Variants in ZNF85 observed in about 807,000 individuals in gnomAD.
The protein encoded by ZNF85 is zinc finger protein 85 (HPF4, HTF1).
A neutral mutation model predicts 53.9 loss-of-function variants in ZNF85; 50 were observed. The observed-to-expected ratio is 0.93, with a 90% CI of 0.74 to 1.17. The LOEUF (loss-of-function observed/expected upper bound fraction) is 1.17. Ranked by LOEUF, ZNF85 falls within the 50% of genes most tolerant of loss-of-function variation. The probability of loss-of-function intolerance (pLI) is 0.00; values close to 1 mark genes in which losing one functional copy is unlikely to be tolerated. For synonymous variants in ZNF85, 225 were observed against 226.1 expected (o/e 1.00, Z 0.04); for missense variants, 747 against 688.5 (o/e 1.08, Z -0.95).
intron 3 of ZNF85, chr19:20,936,789 T>C (rs1254471738): frequency 6.5e-6 from 1 of 153,922 alleles, no homozygotes; most frequent in African/African-American, 2.4e-5. Context: ...ACAAAGTACA[T>C]TGATTTCTTT....
At chr19:20,938,752 A>G (rs1336190156) in intron 3 of ZNF85, among the ~76,000 whole-genome samples, 4 of 152,146 alleles carry the variant, frequency 2.6e-5, no homozygotes, top group African/African-American at 9.7e-5. Context: ...GAATTATAGG[A>G]TATTCACCCA....
intron 2 of ZNF85, among the ~76,000 whole-genome samples, chr19:20,934,637 C>T (rs1973112350): frequency 6.6e-6 from 1 of 151,708 alleles, no homozygotes; most frequent in African/African-American, 2.4e-5. Context: ...GGTGTGGTGG[C>T]AGGCACCTGT....
chr19:20,928,491 C>T (rs1432804685), intron 1 of ZNF85: 1 of 152,498 alleles, frequency 6.6e-6, no homozygotes, highest in African/African-American at 2.4e-5. Context: ...GAAAGGACCT[C>T]TGATGACAGA....
At chr19:20,946,058 A>C (rs1160118676) in intron 3 of ZNF85, among the ~76,000 whole-genome samples, 4 of 142,006 alleles carry the variant, frequency 2.8e-5, no homozygotes, top group Non-Finnish European at 6.1e-5. Flanking sequence ...TTTTTTTTTG[A>C]AGATTGTTGG....
chr19:20,940,103 GAAA>G (rs143322119), intron 3 of ZNF85, among the ~76,000 whole-genome samples: 1 of 137,144 alleles, frequency 7.3e-6, no homozygotes, highest in Admixed American at 7.3e-5. Flanking sequence ...TCCTTTATGT[GAAA>G]AAAAAAAAAA....
chr19:20,946,439 T>TTCTTG (rs1568554923), intron 3 of ZNF85: 1 of 345,106 alleles, frequency 2.9e-6, no homozygotes, highest in Non-Finnish European at 5.5e-6. Context: ...CTAATATTCT[T>TTCTTG]TTTTTTTATT....
intron 1 of ZNF85, chr19:20,926,807 C>A (rs960914530): frequency 1.1e-4 from 17 of 151,830 alleles, no homozygotes; most frequent in African/African-American, 3.9e-4. Context: ...TTTTGAGGCA[C>A]TGTCTAGACT....
intron 3 of ZNF85, among the ~76,000 whole-genome samples, chr19:20,939,877 A>G (rs1973252482): frequency 6.6e-6 from 1 of 151,838 alleles, no homozygotes; most frequent in East Asian, 2.0e-4. Context: ...TTGTATTTTT[A>G]GTAGAGACGG....
intron 3 of ZNF85, among the ~76,000 whole-genome samples, chr19:20,944,755 G>A (rs969424559): frequency 4.6e-5 from 7 of 151,548 alleles, no homozygotes; most frequent in Non-Finnish European, 2.9e-5. Context: ...ATATTTAAGG[G>A]TATTCCAGCT....
At chr19:20,945,891 TG>T (rs1973407296) in intron 3 of ZNF85, among the ~76,000 whole-genome samples, 1 of 152,234 alleles carries the variant, frequency 6.6e-6, no homozygotes. Context: ...GCAATAATTA[TG>T]GGTAAGTAAA....
rs1292323317 is a variant in ZNF85, at chr19:20,950,421, T to C, written c.*119T>C. Reference sequence around the variant, plus strand: ...TAATTTTGACAACACCTCAGACTTATAAAAGTAATCATACTGGTGAGAAAT... The same window carrying C: ...TAATTTTGACAACACCTCAGACTTACAAAAGTAATCATACTGGTGAGAAAT... On this transcript the variant is annotated 3_prime_UTR_variant, in exon 4 of 4. Coordinates refer to ENST00000328178, the MANE Select transcript of ZNF85 (RefSeq NM_003429.5). 1.5e-5 allele frequency: 8 copies of C among 538,882 alleles called. No homozygotes were observed. The highest frequency in any genetic ancestry group is 9.1e-5 in the East Asian group (3 of 33,100). The allele number at this position is 538,882 out of a possible 1,614,324, so 33.4% of individuals were successfully genotyped here. A position where few individuals can be genotyped will look rare whatever the true frequency, so the allele number is the denominator to read the frequency against.
intron 3 of ZNF85, chr19:20,946,444 T>TA: frequency 3.0e-6 from 1 of 333,328 alleles, no homozygotes. Context: ...ATTCTTTTTT[T>TA]TTATTATTAT....
In ZNF85 at chr19:20,949,777, T is replaced by A. The variant is rs1973528580; in HGVS notation, c.1263T>A (p.Thr421=). The change falls in exon 4 of 4, where the codon ACT becomes ACA. Residue 421 remains threonine, a synonymous_variant. Transcript: ENST00000328178. Reference sequence around the variant, plus strand: ...TTACTAAACATAAGATAATTCATACTGGAGAGAAGCCTTACAAATGTAAAG... The same window carrying A: ...TTACTAAACATAAGATAATTCATACAGGAGAGAAGCCTTACAAATGTAAAG... ...STLTKHKIIH[T]GEKPYKCKEC... 1 of 1,611,714 alleles carries A rather than the reference T, an allele frequency of 6.2e-7. No homozygotes were observed. Among genetic ancestry groups the A allele is most frequent in the East Asian group, 2.2e-5 (1 of 44,830 alleles).
intron 3 of ZNF85, chr19:20,945,675 G>A (rs935771894): frequency 6.6e-6 from 1 of 152,120 alleles, no homozygotes; most frequent in African/African-American, 2.4e-5. Context: ...AGTGGAGGTG[G>A]GGTTTCACCA....
intron 3 of ZNF85, among the ~76,000 whole-genome samples, chr19:20,938,424 C>T (rs1047623532): frequency 2.6e-5 from 4 of 152,104 alleles, no homozygotes; most frequent in Admixed American, 1.3e-4. Context: ...TACCATGTAG[C>T]TGTCATTATA....
Position 20,931,003 on chromosome 19 carries a change from G to A in ZNF85, c.4-3021G>A, listed in dbSNP as rs1025998953. On this transcript the variant is annotated intron_variant, in intron 1 of 3. Coordinates refer to ENST00000328178, the MANE Select transcript of ZNF85 (RefSeq NM_003429.5). ...TTGGTCAGGCTGGTCTCAAACTCCC[G>A]ACCTCTGGTGATCCACCTGCCTCGG... Among the ~76,000 whole-genome samples, 8 of 152,128 alleles carry A rather than the reference G, an allele frequency of 5.3e-5. No individual in the cohort carries two copies. In the East Asian group the frequency reaches 5.8e-4, roughly 11 times the overall value.
chr19:20,923,361 A>T lies in ZNF85; in HGVS notation c.-40A>T. 1 of 1,613,864 alleles carries T rather than the reference A, an allele frequency of 6.2e-7. No homozygotes were observed. The highest frequency in any genetic ancestry group is 8.5e-7 in the Non-Finnish European group (1 of 1,179,932). ...CCCTGTGGCCTGCAGGTATTGGGAG[A>T]TCCACAGCTAAGACGCCGGGACCCC... On this transcript the variant is annotated 5_prime_UTR_variant, in exon 1 of 4. Coordinates refer to ENST00000328178, the MANE Select transcript of ZNF85 (RefSeq NM_003429.5).
chr19:20,949,510 T>A lies in ZNF85; in HGVS notation c.996T>A (p.His332Gln). Residue 332 changes from histidine (H) to glutamine (Q), a missense_variant, in exon 4 of 4, where the codon CAT becomes CAA. Physicochemically the swap from His to Gln is conservative, Grantham distance 24. Transcript: ENST00000328178. ...AFKQSSNLTTHKIIHTGEKPY... is the reference protein window; with the variant it reads ...AFKQSSNLTTQKIIHTGEKPY... ...AGCAGTCCTCAAACCTTACTACACATAAGATAATTCATACTGGAGAGAAAC... is the reference window on the plus strand; with the variant it reads ...AGCAGTCCTCAAACCTTACTACACAAAAGATAATTCATACTGGAGAGAAAC... The A allele has an allele frequency of 6.2e-7, 1 of 1,613,398 alleles. No individual in the cohort carries two copies. The highest frequency in any genetic ancestry group is 8.5e-7 in the Non-Finnish European group (1 of 1,179,712).
intron 3 of ZNF85, among the ~76,000 whole-genome samples, chr19:20,947,343 T>G (rs1245474505): frequency 6.6e-6 from 1 of 151,754 alleles, no homozygotes; most frequent in Non-Finnish European, 1.5e-5. Context: ...TCTGCACCAT[T>G]ATGATAATGC....
Sources: gnomAD v4.1 joint callset for allele counts (sites outside exome capture counted in the v4.1 genomes callset) on GRCh38, gnomAD v4.1.1 for gene constraint, MANE v1.5 for transcripts, NCBI Gene and HGNC (gene_info 2026-07-23, HGNC 2026-07-21) for gene names.